COL26A1: variants seen among roughly 807,000 people sequenced by gnomAD.
COL26A1 encodes collagen type XXVI alpha 1 chain, also known as collagen alpha-1(XXVI) chain.
In COL26A1, 41 loss-of-function variants were observed where a neutral mutation model predicts 59.3. The ratio of observed to expected loss-of-function variants is 0.69; its 90% CI spans 0.54 to 0.90. The LOEUF (loss-of-function observed/expected upper bound fraction) is 0.90, where lower values mean the gene tolerates loss of function less well. Ranked by LOEUF, COL26A1 falls within the 40% of genes least tolerant of loss-of-function variation. The pLI, the probability that COL26A1 is intolerant of heterozygous loss-of-function variation, is 0.00. For synonymous variants in COL26A1, 266 were observed against 256.0 expected, an observed-to-expected ratio of 1.04 and a Z score of -0.37; for missense variants, 612 against 602.3, an observed-to-expected ratio of 1.02 and a Z score of -0.17.
At chr7:101,488,745 T>G (rs1429347567) in intron 3 of COL26A1, among the ~76,000 whole-genome samples, 1 of 152,186 alleles carries the variant, frequency 6.6e-6, no homozygotes, top group African/African-American at 2.4e-5. Context: ...CCATCTCCAC[T>G]GTCCATCTTC....
chr7:101,405,464 T>C (rs1317583769), intron 1 of COL26A1, among the ~76,000 whole-genome samples: 1 of 151,920 alleles, frequency 6.6e-6, no homozygotes, highest in Non-Finnish European at 1.5e-5. Context: ...CTCCCCAAAT[T>C]GGACTACAGA....
At chr7:101,530,295 G>A (rs574340713) in intron 3 of COL26A1, among the ~76,000 whole-genome samples, 71 of 152,142 alleles carry the variant, frequency 4.7e-4, no homozygotes, top group African/African-American at 1.5e-3. Context: ...TAGGCTGGGC[G>A]TGGTGGCTCT....
At chr7:101,389,062 T>C (rs1791662656) in intron 1 of COL26A1, 1 of 233,234 alleles carries the variant, frequency 4.3e-6, no homozygotes, top group Non-Finnish European at 8.5e-6. Context: ...GAATCAGCCT[T>C]CTTGGCTTCA....
At chr7:101,492,624 G>A (rs910170453) in intron 3 of COL26A1, among the ~76,000 whole-genome samples, 3 of 151,700 alleles carry the variant, frequency 2.0e-5, no homozygotes, top group African/African-American at 7.3e-5. Flanking sequence ...TTGAATCCCG[G>A]AGGTGGAGGT....
At position 101,478,504 on chromosome 7, in the gene COL26A1, C is replaced by T. The variant is rs546596335; in HGVS notation, c.385+30717C>T. Among the ~76,000 whole-genome samples, 15 of 152,222 alleles carry T rather than the reference C, an allele frequency of 9.9e-5. 2 individuals are homozygous for T. The highest frequency in any genetic ancestry group is 9.2e-4 in the Admixed American group (14 of 15,262). ...TGGTAAAGTTAAAACTCTGAATCTC[C>T]AAAATTTACATAAGAAATATTTCAA... On this transcript the variant is annotated intron_variant, in intron 3 of 12. Transcript: ENST00000313669.
chr7:101,430,465 T>A (rs1375315058), intron 2 of COL26A1, among the ~76,000 whole-genome samples: 1 of 148,416 alleles, frequency 6.7e-6, no homozygotes, highest in Admixed American at 6.8e-5. Flanking sequence ...ATTTTTGTAT[T>A]TTTTTTTTTA....
intron 11 of COL26A1, 117 bp downstream of exon 11, chr7:101,553,493 G>T (rs867951243): frequency 1.4e-5 from 13 of 959,710 alleles, no homozygotes; most frequent in Middle Eastern, 2.6e-4. Context: ...GCTGGGTGCT[G>T]GGCCACCGGG....
chr7:101,404,424 C>G (rs960639499), intron 1 of COL26A1, among the ~76,000 whole-genome samples: 10 of 151,946 alleles, frequency 6.6e-5, no homozygotes, highest in African/African-American at 2.4e-4. Flanking sequence ...CCTGGTTGCA[C>G]CATTTACCCT....
At chr7:101,518,663 C>T (rs975831974) in intron 3 of COL26A1, among the ~76,000 whole-genome samples, 2 of 152,158 alleles carry the variant, frequency 1.3e-5, no homozygotes, top group South Asian at 2.1e-4. Flanking sequence ...ATGAACAATG[C>T]GATCCTCAGA....
intron 8 of COL26A1, among the ~76,000 whole-genome samples, chr7:101,547,603 C>G (rs530112664): frequency 6.6e-6 from 1 of 152,232 alleles, no homozygotes; most frequent in Non-Finnish European, 1.5e-5. Context: ...GGGGCTGGGA[C>G]CTGGCTGTCA....
chr7:101,510,612 A>T (rs1036757465), intron 3 of COL26A1, among the ~76,000 whole-genome samples: 3 of 152,112 alleles, frequency 2.0e-5, no homozygotes, highest in African/African-American at 7.2e-5. Context: ...GGCTCCAGTG[A>T]TCCTCCTACC....
At chr7:101,450,234 G>A (rs1002434942) in intron 3 of COL26A1, among the ~76,000 whole-genome samples, 4 of 152,062 alleles carry the variant, frequency 2.6e-5, no homozygotes, top group Non-Finnish European at 5.9e-5. Flanking sequence ...GCCTCCCAGT[G>A]GAGTTGTGGA....
intron 1 of COL26A1, among the ~76,000 whole-genome samples, chr7:101,364,011 G>A (rs902248339): frequency 2.0e-5 from 3 of 152,116 alleles, no homozygotes; most frequent in Non-Finnish European, 4.4e-5. Flanking sequence ...ACGTGGAACC[G>A]GCTGGGATCG....
chr7:101,421,378 A>C (rs1041083881), intron 2 of COL26A1, among the ~76,000 whole-genome samples: 3 of 152,158 alleles, frequency 2.0e-5, no homozygotes, highest in Admixed American at 2.0e-4. Context: ...AAGTCTACTG[A>C]TTTAAATTAA....
intron 3 of COL26A1, among the ~76,000 whole-genome samples, chr7:101,507,852 C>G (rs1177417251): frequency 1.3e-5 from 2 of 152,050 alleles, no homozygotes; most frequent in Non-Finnish European, 2.9e-5. Context: ...TCCACCCCAC[C>G]TGGATATCAG....
chr7:101,550,966 T>G (rs1385374575), intron 9 of COL26A1, 142 bp from the exon 10 acceptor site: 3 of 907,762 alleles, frequency 3.3e-6, no homozygotes, highest in Non-Finnish European at 5.2e-6. Context: ...AGTCTGCCCT[T>G]CCCGTGCCGG....
intron 1 of COL26A1, among the ~76,000 whole-genome samples, chr7:101,419,143 G>T (rs1469854316): frequency 2.4e-5 from 3 of 125,708 alleles, no homozygotes; most frequent in Non-Finnish European, 3.2e-5. Context: ...TCTCTTCAGG[G>T]TTTCACTCTG....
chr7:101,511,899 G>A (rs967101724), intron 3 of COL26A1, among the ~76,000 whole-genome samples: 52 of 152,184 alleles, frequency 3.4e-4, no homozygotes, highest in African/African-American at 1.2e-3. Flanking sequence ...AGGCTGAGGC[G>A]GGAGAATTGC....
At position 101,520,627 on chromosome 7, in the gene COL26A1, G is replaced by GACACACACAC. The variant is rs1250474937; in HGVS notation, c.386-12450_386-12449insCACACACACA. On this transcript the variant is annotated intron_variant, in intron 3 of 12. Transcript: ENST00000313669. Reference sequence around the variant, plus strand: ...AGAACCAGGTTGACAGACAAGCACAGACACATACACACACACACACACACA... The same window carrying GACACACACAC: ...AGAACCAGGTTGACAGACAAGCACAGACACACACACACACATACACACACACACACACACA... Among the ~76,000 whole-genome samples, 500 of 88,986 alleles carry GACACACACAC rather than the reference G, an allele frequency of 5.6e-3. 5 individuals are homozygous for GACACACACAC. Among genetic ancestry groups the GACACACACAC allele is most frequent in the Admixed American group, 0.029 (284 of 9,938 alleles). 58.4% of individuals were successfully genotyped at this position (88,986 alleles called of 152,430 possible).
Sources: allele counts gnomAD v4.1 joint callset (sites outside exome capture counted in the v4.1 genomes callset), GRCh38; gene constraint gnomAD v4.1.1; transcripts MANE v1.5; gene names NCBI Gene and HGNC (gene_info 2026-07-23, HGNC 2026-07-21).